The following PLXNB3 variants were observed in gnomAD, a reference collection of about 807,000 sequenced individuals.
PLXNB3 encodes plexin B3, also known as plexin-B3.
In PLXNB3, 80 loss-of-function variants were observed where a neutral mutation model predicts 125.7. The ratio of observed to expected loss-of-function variants is 0.64; its 90% CI spans 0.53 to 0.77. The LOEUF (loss-of-function observed/expected upper bound fraction) is 0.77, where lower values mean the gene tolerates loss of function less well. Ranked by LOEUF, PLXNB3 falls within the 30% of genes least tolerant of loss-of-function variation. The probability of loss-of-function intolerance (pLI) is 0.00; values close to 1 mark genes in which losing one functional copy is unlikely to be tolerated. For synonymous variants in PLXNB3, 954 were observed against 783.3 expected (o/e 1.22, Z -3.64); for missense variants, 1,836 against 1,729.3 (o/e 1.06, Z -1.09).
At position 153,772,848 on chromosome X, in the gene PLXNB3, T is replaced by G. The variant is rs200294582; in HGVS notation, c.2776-38T>G. 2.2e-5 allele frequency: 24 copies of G among 1,076,148 alleles called. No homozygotes were observed. The East Asian group carries it at 6.3e-4, about 28-fold the overall frequency. The allele number at this position is 1,076,148 out of a possible 1,213,427, so 88.7% of individuals were successfully genotyped here. A position where few individuals can be genotyped will look rare whatever the true frequency, so the allele number is the denominator to read the frequency against. On this transcript the variant is annotated intron_variant, in intron 16 of 35. Coordinates refer to ENST00000361971, the MANE Select transcript of PLXNB3 (RefSeq NM_005393.3). ...GCCCAGGGGGGTGAAAGGGCCAGGCTGGGCTGCCGTGCCTACCCAGCCTGC... is the reference window on the plus strand; with the variant it reads ...GCCCAGGGGGGTGAAAGGGCCAGGCGGGGCTGCCGTGCCTACCCAGCCTGC...
At chrX:153,770,056 G>T (rs1557061040) in intron 7 of PLXNB3, 36 bp from the exon 8 acceptor site, 1 of 1,204,428 alleles carries the variant, frequency 8.3e-7, no homozygotes, top group Non-Finnish European at 1.1e-6. Context: ...CCCTCTCTCT[G>T]GCTACATCTC....
At position 153,773,294 on chromosome X, in the gene PLXNB3, G is replaced by A; in HGVS notation, c.2971G>A (p.Ala991Thr). ...RTRPQAAPGE[A>T]AVLVVFGHAQ... ...CAGGCCCCAGGCTGCCCCAGGAGAA[G>A]CAGCGGTCCTTGTGGTCTTTGGCCA... Residue 991 changes from alanine (A) to threonine (T), a missense_variant, in exon 18 of 36, where the codon GCA (alanine) becomes ACA (threonine). By Grantham distance (58) the Ala-to-Thr change is moderately conservative. Transcript: ENST00000361971. 8.3e-7 allele frequency: 1 copy of A among 1,210,436 alleles called. No individual in the cohort carries two copies.
rs1313637681 is a variant in PLXNB3 at position 153,767,546 on chromosome X, A to C, written c.719A>C (p.Asp240Ala). Residue 240 changes from aspartate (D) to alanine (A), a missense_variant, in exon 3 of 36, where the codon GAC becomes GCC. Physicochemically the swap from Asp to Ala is moderately radical, Grantham distance 126. Coordinates refer to ENST00000361971, the MANE Select transcript of PLXNB3 (RefSeq NM_005393.3). Reference protein sequence around the residue: ...YNNSYVGAFADARSAYFVFRR... With the variant: ...YNNSYVGAFAAARSAYFVFRR... ...AACAGCTACGTCGGGGCCTTTGCCG[A>C]CGCCCGCTCCGCCTACTTCGTGTTC... 8.5e-7 allele frequency: 1 copy of C among 1,173,214 alleles called. No homozygotes were observed. Among genetic ancestry groups the C allele is most frequent in the Non-Finnish European group, 1.1e-6 (1 of 876,708 alleles).
chrX:153,772,443 G>A lies in PLXNB3; in HGVS notation c.2775+156G>A, dbSNP rs782287547. ...AGCCATGGCATGTGAGTGGAGGTGG[G>A]CAGCCAGGCCAGTCTGAGGCACGAA... is the stretch of plus-strand genomic sequence containing the variant. On this transcript the variant is annotated intron_variant, in intron 16 of 35. Coordinates refer to ENST00000361971, the MANE Select transcript of PLXNB3 (RefSeq NM_005393.3). Among the ~76,000 whole-genome samples, 6 of 112,297 alleles carry A rather than the reference G, an allele frequency of 5.3e-5. No individual in the cohort carries two copies. The East Asian group carries it at 1.7e-3, about 31-fold the overall frequency.
At chrX:153,771,445 G>A in intron 13 of PLXNB3, 41 bp from the exon 14 acceptor site, 1 of 1,207,085 alleles carries the variant, frequency 8.3e-7, no homozygotes, top group South Asian at 1.8e-5. Context: ...AGGGTGGGTG[G>A]CAGACAGGAG....
At position 153,770,261 on chromosome X, in the gene PLXNB3, TGGG is replaced by T. The variant is rs1191353754; in HGVS notation, c.1786+15_1786+17del. On this transcript the variant is annotated intron_variant, in intron 8 of 35. Coordinates refer to ENST00000361971, the MANE Select transcript of PLXNB3 (RefSeq NM_005393.3). ...CCTCCAGGCACAGGTGAGTGGCCCA[TGGG>T]GTAGGGGGCTGGGATGGAGGCTGGA... 35 of 1,208,303 alleles carry T rather than the reference TGGG, an allele frequency of 2.9e-5. No homozygotes were observed. The highest frequency in any genetic ancestry group is 3.7e-5 in the Non-Finnish European group (33 of 894,337).
At chrX:153,765,699 C>T (rs370242996) in intron 2 of PLXNB3, 119 bp downstream of exon 2, 13 of 1,147,276 alleles carry the variant, frequency 1.1e-5, no homozygotes, top group African/African-American at 7.1e-5. Flanking sequence ...AGACACTGCC[C>T]CAGATAGCCC....
In PLXNB3 at chrX:153,768,965, C is replaced by A; in HGVS notation, c.1284C>A (p.Ser428=). The A allele has an allele frequency of 8.3e-7, 1 of 1,211,528 alleles. No individual in the cohort carries two copies. The highest frequency in any genetic ancestry group is 1.1e-6 in the Non-Finnish European group (1 of 895,198). Reference sequence around the variant, plus strand: ...CCACTCAGGTCTTTCTCCACGGCTCCCAGGGCCAGGTTTACCACTCCCAGC... The same window carrying A: ...CCACTCAGGTCTTTCTCCACGGCTCACAGGGCCAGGTTTACCACTCCCAGC... ...GQLYKVFLHG[S]QGQVYHSQQV... is the part of the protein sequence containing the mutation. Residue 428 remains serine (S), a synonymous_variant, in exon 5 of 36, where the codon TCC becomes TCA. Coordinates refer to ENST00000361971, the MANE Select transcript of PLXNB3 (RefSeq NM_005393.3).
chrX:153,775,524 G>A, intron 25 of PLXNB3, 70 bp from the exon 26 acceptor site: 2 of 1,158,488 alleles, frequency 1.7e-6, no homozygotes, highest in Non-Finnish European at 2.4e-6. Context: ...CAGGTGGGGG[G>A]AAGGAAAGTG....
In PLXNB3 at chrX:153,775,046, G is replaced by T. The variant is rs1557063562; in HGVS notation, c.4098G>T (p.Val1366=). Residue 1366 remains valine (V), a synonymous_variant, in exon 24 of 36, where the codon GTG becomes GTT. Transcript: ENST00000361971. ...GPGEDGHCAT[V]RQGLTQLSNL... ...GGGAGGACGGCCACTGTGCCACTGT[G>T]CGCCAGGGCCTCACGCAGCTCTCCA... is the stretch of plus-strand genomic sequence containing the variant. The T allele has an allele frequency of 3.3e-6, 4 of 1,209,596 alleles. No individual in the cohort carries two copies. The highest frequency in any genetic ancestry group is 1.7e-5 in the African/African-American group (1 of 58,035).
chrX:153,777,570 C>G lies in PLXNB3; in HGVS notation c.5143C>G (p.Leu1715Val). 8.3e-7 allele frequency: 1 copy of G among 1,212,029 alleles called. No individual in the cohort carries two copies. The highest frequency in any genetic ancestry group is 1.1e-6 in the Non-Finnish European group (1 of 895,524). Residue 1715 changes from leucine to valine, a missense_variant, in exon 31 of 36, where the codon CTC becomes GTC. Leu to Val is a conservative substitution (Grantham distance 32). Coordinates refer to ENST00000361971, the MANE Select transcript of PLXNB3 (RefSeq NM_005393.3). The stretch of plus-strand genomic sequence containing the variant: ...TGTGGACGACACCTTCCAGGCCATT[C>G]TCAGCGTGAACCGGCCCATCCCCAT... Reference protein sequence around the residue: ...KFVDDTFQAILSVNRPIPIAV... With the variant: ...KFVDDTFQAIVSVNRPIPIAV...
chrX:153,772,367 T>A, intron 16 of PLXNB3, 80 bp downstream of exon 16: 1 of 712,584 alleles, frequency 1.4e-6, no homozygotes, highest in Admixed American at 2.8e-5. Context: ...AGTAAGGATG[T>A]CAAGCTGGGT....
At chrX:153,773,737 C>A in intron 19 of PLXNB3, 24 bp downstream of exon 19, 1 of 1,171,029 alleles carries the variant, frequency 8.5e-7, no homozygotes, top group Non-Finnish European at 1.1e-6. Context: ...CAGCAGGCGA[C>A]AAGGCTGTCC....
At position 153,769,909 on chromosome X, in the gene PLXNB3, G is replaced by A. The variant is rs34461520; in HGVS notation, c.1599G>A (p.Pro533=). 9.4e-4 allele frequency: 1,140 copies of A among 1,207,250 alleles called. 7 individuals are homozygous for A. In the African/African-American group the frequency reaches 0.016, roughly 17 times the overall value. Reference sequence around the variant, plus strand: ...GCCTGCACATCCAGAGCCTGCTGCCGGGCCACCACCCCCGCCAGGAGCAGG... The same window carrying A: ...GCCTGCACATCCAGAGCCTGCTGCCAGGCCACCACCCCCGCCAGGAGCAGG... The part of the protein sequence containing the change: ...SHCLHIQSLL[P]GHHPRQEQGQ... Residue 533 remains proline (P), a synonymous_variant, in exon 7 of 36, where the codon CCG becomes CCA. Transcript: ENST00000361971.
chrX:153,768,939 C>G lies in PLXNB3; in HGVS notation c.1267-9C>G, dbSNP rs1319659899. The G allele has an allele frequency of 8.3e-7, 1 of 1,207,961 alleles. No individual in the cohort carries two copies. Among genetic ancestry groups the G allele is most frequent in the Non-Finnish European group, 1.1e-6 (1 of 893,861 alleles). ...TCTGGCCCAGCCTCGTCCTTGTCCC[C>G]CCACTCAGGTCTTTCTCCACGGCTC... On this transcript the variant is annotated splice_polypyrimidine_tract_variant and intron_variant, in intron 4 of 35. Transcript: ENST00000361971.
At chrX:153,776,699 G>A (rs1158981405) in intron 28 of PLXNB3, among the ~76,000 whole-genome samples, 188 bp from the exon 29 acceptor site, 2 of 15,186 alleles carry the variant, frequency 1.3e-4, no homozygotes, top group Non-Finnish European at 2.2e-4. Context: ...GCAGGGCGGG[G>A]CTGGGGCGGG....
At position 153,767,662 on chromosome X, in the gene PLXNB3, G is replaced by T. The variant is rs370095364; in HGVS notation, c.835G>T (p.Val279Phe). 8.4e-7 allele frequency: 1 copy of T among 1,191,168 alleles called. No homozygotes were observed. Among genetic ancestry groups the T allele is most frequent in the Non-Finnish European group, 1.1e-6 (1 of 885,400 alleles). Residue 279 changes from valine to phenylalanine, a missense_variant, in exon 3 of 36, where the codon GTC becomes TTC. Physicochemically the swap from Val to Phe is conservative, Grantham distance 50 (BLOSUM62 -1). Transcript: ENST00000361971. ...GDTNLYSYVE[V>F]PLACQGQGLI... ...CACCAACCTGTACTCCTACGTGGAG[G>T]TCCCCCTCGCCTGCCAGGGCCAGGG...
intron 6 of PLXNB3, 89 bp downstream of exon 6, chrX:153,769,351 G>A: frequency 1.4e-6 from 1 of 725,901 alleles, no homozygotes; most frequent in Non-Finnish European, 2.0e-6. Flanking sequence ...CGTGCCGGGA[G>A]GCCAACCCTG....
chrX:153,769,939 G>C lies in PLXNB3; in HGVS notation c.1629G>C (p.Gln543His), dbSNP rs781838386. The change falls in exon 7 of 36, where the codon CAG (glutamine) becomes CAC (histidine). Residue 543 changes from glutamine to histidine, a missense_variant and splice_region_variant. By Grantham distance (24) the Gln-to-His change is conservative (BLOSUM62 0). Transcript: ENST00000361971. The stretch of plus-strand genomic sequence containing the variant: ...ACCACCCCCGCCAGGAGCAGGGCCA[G>C]GTAAGCCGCCCACCACCACTGGGCC... ...PGHHPRQEQG[Q>H]VTLSVPRLPI... 1.7e-6 allele frequency: 2 copies of C among 1,205,512 alleles called. No homozygotes were observed. The highest frequency in any genetic ancestry group is 2.2e-6 in the Non-Finnish European group (2 of 892,695).
Sources: gnomAD v4.1 joint callset for allele counts (sites outside exome capture counted in the v4.1 genomes callset) on GRCh38, gnomAD v4.1.1 for gene constraint, MANE v1.5 for transcripts, NCBI Gene and HGNC (gene_info 2026-07-23, HGNC 2026-07-21) for gene names.